CNTNAP2: variants seen among roughly 807,000 people sequenced by gnomAD.
CNTNAP2 encodes contactin associated protein 2.
In CNTNAP2, 98 loss-of-function variants were observed where a neutral mutation model predicts 155.2. That is an observed-to-expected ratio of 0.63 (90% CI 0.54 to 0.75). The LOEUF is 0.75. Ranked by LOEUF, CNTNAP2 falls within the 30% of genes least tolerant of loss-of-function variation. CNTNAP2 has a pLI of 0.00. For missense variants in CNTNAP2, 1,727 were observed against 1,688.1 expected (o/e 1.02, Z -0.40); for synonymous variants, 651 against 631.2 (o/e 1.03, Z -0.47).
At chr7:147,277,715 A>G (rs1403087828) in intron 8 of CNTNAP2, among the ~76,000 whole-genome samples, 3 of 151,784 alleles carry the variant, frequency 2.0e-5, no homozygotes, top group Non-Finnish European at 4.4e-5. Context: ...CCTCCCAAGA[A>G]ATCTGTTATT....
intron 3 of CNTNAP2, among the ~76,000 whole-genome samples, chr7:146,979,297 C>T (rs59549593): frequency 6.6e-5 from 10 of 152,148 alleles, no homozygotes; most frequent in African/African-American, 2.4e-4. Context: ...CCACACTGGC[C>T]GCCTTCTATT....
intron 20 of CNTNAP2, 28 bp downstream of exon 20, chr7:148,229,807 A>G: frequency 1.9e-6 from 3 of 1,613,178 alleles, no homozygotes; most frequent in Non-Finnish European, 2.5e-6. Context: ...TATAAATTAC[A>G]TATAATATCG....
intron 1 of CNTNAP2, among the ~76,000 whole-genome samples, chr7:146,172,032 A>ATTTTTT (rs61619996): frequency 2.4e-3 from 165 of 67,558 alleles, no homozygotes; most frequent in Admixed American, 3.0e-3. Context: ...TGCTCTTAGT[A>ATTTTTT]TTTTTTTTTT....
chr7:146,582,046 A>G (rs1422327098), intron 1 of CNTNAP2, among the ~76,000 whole-genome samples: 1 of 152,136 alleles, frequency 6.6e-6, no homozygotes, highest in East Asian at 1.9e-4. Flanking sequence ...AAAAAATAAG[A>G]TTTCTGTTCC....
intron 3 of CNTNAP2, among the ~76,000 whole-genome samples, chr7:146,907,350 AG>A (rs1208104082): frequency 2.0e-5 from 3 of 147,608 alleles, no homozygotes; most frequent in Non-Finnish European, 4.5e-5. Flanking sequence ...CATAATTGTC[AG>A]ATTCACCGAA....
chr7:147,794,785 T>TA (rs2116578638), intron 13 of CNTNAP2, among the ~76,000 whole-genome samples: 1 of 152,012 alleles, frequency 6.6e-6, no homozygotes, highest in African/African-American at 2.4e-5. Context: ...TAAAGGCCGT[T>TA]AATATATTCT....
At chr7:147,295,507 A>T (rs1012254064) in intron 8 of CNTNAP2, among the ~76,000 whole-genome samples, 11 of 152,178 alleles carry the variant, frequency 7.2e-5, no homozygotes, top group Admixed American at 6.6e-5. Flanking sequence ...ATAATTGTTT[A>T]AAAAAATTTT....
chr7:147,143,772 A>AT (rs777913422), intron 8 of CNTNAP2, among the ~76,000 whole-genome samples: 10 of 152,224 alleles, frequency 6.6e-5, no homozygotes, highest in South Asian at 6.2e-4. Flanking sequence ...ATAATAAGAG[A>AT]TTTTTTTTAA....
chr7:146,937,283 G>A (rs1296907133), intron 3 of CNTNAP2, among the ~76,000 whole-genome samples: 1 of 151,338 alleles, frequency 6.6e-6, no homozygotes, highest in Non-Finnish European at 1.5e-5. Flanking sequence ...CCCGGGAGGT[G>A]GAGTTTGCAG....
chr7:148,232,505 A>G (rs763209701), intron 20 of CNTNAP2, among the ~76,000 whole-genome samples: 1 of 152,228 alleles, frequency 6.6e-6, no homozygotes, highest in Non-Finnish European at 1.5e-5. Flanking sequence ...ATTTTCTATT[A>G]TAAGCACATG....
chr7:146,324,029 C>G (rs1381953438), intron 1 of CNTNAP2, among the ~76,000 whole-genome samples: 1 of 152,136 alleles, frequency 6.6e-6, no homozygotes, highest in Non-Finnish European at 1.5e-5. Context: ...CATTGGTAAA[C>G]TAACTCTCAG....
chr7:146,905,714 GT>G (rs1483917224), intron 3 of CNTNAP2, among the ~76,000 whole-genome samples: 1 of 152,228 alleles, frequency 6.6e-6, no homozygotes, highest in Non-Finnish European at 1.5e-5. Context: ...TGATAAGCCA[GT>G]GGGTGTTACT....
At chr7:147,869,415 C>T (rs1181760861) in intron 13 of CNTNAP2, among the ~76,000 whole-genome samples, 1 of 152,114 alleles carries the variant, frequency 6.6e-6, no homozygotes, top group African/African-American at 2.4e-5. Flanking sequence ...AGGGAAATCT[C>T]CAAGTTGACA....
chr7:147,864,622 TCTC>T (rs1329556800), intron 13 of CNTNAP2, among the ~76,000 whole-genome samples: 1 of 152,168 alleles, frequency 6.6e-6, no homozygotes, highest in Non-Finnish European at 1.5e-5. Flanking sequence ...GTTTTGTAGT[TCTC>T]CTTGAAGAGG....
In CNTNAP2 at chr7:146,139,763, T is replaced by C. The variant is rs577219763; in HGVS notation, c.97+22790T>C. Among the ~76,000 whole-genome samples the C allele has an allele frequency of 7.9e-5, 12 of 152,272 alleles. No individual in the cohort carries two copies. The South Asian group carries it at 2.5e-3, about 32-fold the overall frequency. ...AACTAAGGGACCCTATTTAAGAAGT[T>C]TGTGGAAATAGAAGTGTTTTTAAGG... On this transcript the variant is annotated intron_variant, in intron 1 of 23. Transcript: ENST00000361727.
chr7:147,076,710 C>T (rs1207181809), intron 4 of CNTNAP2, among the ~76,000 whole-genome samples: 1 of 152,096 alleles, frequency 6.6e-6, no homozygotes, highest in Non-Finnish European at 1.5e-5. Context: ...TTCCTTGTTA[C>T]TTCTGTCAGT....
intron 1 of CNTNAP2, among the ~76,000 whole-genome samples, chr7:146,333,229 G>C (rs1801215191): frequency 6.6e-6 from 1 of 152,082 alleles, no homozygotes; most frequent in Non-Finnish European, 1.5e-5. Flanking sequence ...ACTAGCATGA[G>C]CCACGATGCC....
intron 9 of CNTNAP2, among the ~76,000 whole-genome samples, chr7:147,318,737 C>T (rs759899834): frequency 5.9e-5 from 9 of 151,908 alleles, no homozygotes; most frequent in African/African-American, 9.7e-5. Flanking sequence ...ACCTAGATGG[C>T]GGGTTGATTG....
At chr7:146,797,611 C>T (rs1002862412) in intron 2 of CNTNAP2, among the ~76,000 whole-genome samples, 1 of 152,118 alleles carries the variant, frequency 6.6e-6, no homozygotes, top group Admixed American at 6.6e-5. Flanking sequence ...AAAAAGAAAG[C>T]AGATTAAACA....
Sources: gnomAD v4.1 joint callset for allele counts (sites outside exome capture counted in the v4.1 genomes callset) on GRCh38, gnomAD v4.1.1 for gene constraint, MANE v1.5 for transcripts, NCBI Gene and HGNC (gene_info 2026-07-23, HGNC 2026-07-21) for gene names.